Variants in MDGA2 observed in about 807,000 individuals in gnomAD.
MDGA2 encodes MAM domain-containing glycosylphosphatidylinositol anchor protein 2.
A neutral mutation model predicts 117.8 loss-of-function variants in MDGA2; 40 were observed. The observed-to-expected ratio is 0.34, with a 90% confidence interval of 0.26 to 0.44. The LOEUF (loss-of-function observed/expected upper bound fraction) is 0.44, where lower values mean the gene tolerates loss of function less well. Ranked by LOEUF, MDGA2 falls within the 20% of genes least tolerant of loss-of-function variation. The probability of loss-of-function intolerance (pLI) is 1.00; values close to 1 mark genes in which losing one functional copy is unlikely to be tolerated. For missense variants in MDGA2, 1,123 were observed against 1,250.6 expected, an observed-to-expected ratio of 0.90 and a Z score of 1.54; for synonymous variants, 452 against 439.0, an observed-to-expected ratio of 1.03 and a Z score of -0.37.
chr14:46,960,115 G>A (rs12587648), intron 8 of MDGA2, among the ~76,000 whole-genome samples: 17,798 of 151,878 alleles, frequency 0.12, 1,957 homozygotes, highest in African/African-American at 0.27. Context: ...CAGCTACTTG[G>A]GAGGCTGAGG....
rs1444284904 is a variant in MDGA2 at position 47,147,571 on chromosome 14, G to A, written c.596-3297C>T. Among the ~76,000 whole-genome samples the A allele has an allele frequency of 2.6e-5, 4 of 152,258 alleles. No homozygotes were observed. In the South Asian group the frequency reaches 6.2e-4, roughly 24 times the overall value. On this transcript the variant is annotated intron_variant, in intron 3 of 16. Transcript: ENST00000399232. ...CTCGCTAGGAGACATAACCTTGGGA[G>A]GGCCTGCTCTGTTTGGCTTATTTCT...
intron 4 of MDGA2, among the ~76,000 whole-genome samples, chr14:47,139,129 AAAACATATCTTCAAAAG>A: frequency 6.6e-6 from 1 of 152,222 alleles, no homozygotes; most frequent in African/African-American, 2.4e-5. Context: ...ATTATTATTG[AAAACATATCTTCAAAAG>A]AAGTTTCATT....
chr14:47,534,809 C>A (rs1895175698), intron 1 of MDGA2, among the ~76,000 whole-genome samples: 1 of 152,122 alleles, frequency 6.6e-6, no homozygotes, highest in African/African-American at 2.4e-5. Flanking sequence ...TAACACATGA[C>A]AAATTTTAGA....
intron 9 of MDGA2, among the ~76,000 whole-genome samples, chr14:46,926,481 G>T (rs1175891138): frequency 6.6e-6 from 1 of 150,758 alleles, no homozygotes; most frequent in Non-Finnish European, 1.5e-5. Context: ...AATACATATA[G>T]CCAAACGATT....
At chr14:47,459,179 G>C (rs1196808957) in intron 1 of MDGA2, among the ~76,000 whole-genome samples, 2 of 150,592 alleles carry the variant, frequency 1.3e-5, no homozygotes, top group Non-Finnish European at 3.0e-5. Context: ...TGATGTCTTT[G>C]AATTGTTGAC....
At chr14:47,237,343 G>T (rs1886897370) in intron 2 of MDGA2, among the ~76,000 whole-genome samples, 1 of 152,084 alleles carries the variant, frequency 6.6e-6, no homozygotes, top group Non-Finnish European at 1.5e-5. Context: ...TTACGCCCGG[G>T]TCTCCCAGGC....
At chr14:47,584,793 T>C (rs1244732656) in intron 1 of MDGA2, among the ~76,000 whole-genome samples, 1 of 151,834 alleles carries the variant, frequency 6.6e-6, no homozygotes, top group Non-Finnish European at 1.5e-5. Context: ...AATCATTGCC[T>C]ACATCCCATT....
At chr14:47,600,723 T>TA (rs377627666) in intron 1 of MDGA2, among the ~76,000 whole-genome samples, 1,550 of 139,782 alleles carry the variant, frequency 0.011, 11 homozygotes, top group Non-Finnish European at 0.016. Flanking sequence ...ATCGGATCAT[T>TA]AAAAAAAAAA....
intron 1 of MDGA2, among the ~76,000 whole-genome samples, chr14:47,379,836 A>C (rs1891571223): frequency 1.3e-5 from 2 of 152,174 alleles, no homozygotes; most frequent in Non-Finnish European, 2.9e-5. Context: ...TCACAAGGAT[A>C]TCCAGGAACT....
intron 1 of MDGA2, among the ~76,000 whole-genome samples, chr14:47,497,332 C>T (rs535725230): frequency 6.6e-6 from 1 of 152,320 alleles, no homozygotes; most frequent in Admixed American, 6.5e-5. Flanking sequence ...TCTCGGCTCA[C>T]TGCAACCACC....
intron 2 of MDGA2, among the ~76,000 whole-genome samples, chr14:47,250,657 C>T (rs1227335732): frequency 6.6e-6 from 1 of 152,216 alleles, no homozygotes; most frequent in African/African-American, 2.4e-5. Flanking sequence ...TTGGACTTCC[C>T]AGCCTCCGGC....
chr14:47,267,470 T>A (rs1390066168), intron 2 of MDGA2, among the ~76,000 whole-genome samples: 1 of 152,180 alleles, frequency 6.6e-6, no homozygotes, highest in Non-Finnish European at 1.5e-5. Context: ...TTTTAATTGT[T>A]ATTTATGTCA....
intron 2 of MDGA2, among the ~76,000 whole-genome samples, chr14:47,274,213 C>G (rs1888237707): frequency 6.6e-6 from 1 of 152,152 alleles, no homozygotes; most frequent in South Asian, 2.1e-4. Context: ...TTAGTTATCA[C>G]TCATCATCTC....
intron 6 of MDGA2, among the ~76,000 whole-genome samples, chr14:47,072,768 C>T (rs962516122): frequency 6.6e-6 from 1 of 152,070 alleles, no homozygotes; most frequent in Non-Finnish European, 1.5e-5. Context: ...GTTTATGCTG[C>T]CATCCTTTAG....
intron 11 of MDGA2, 28 bp downstream of exon 11, chr14:46,882,016 A>G (rs753945796): frequency 7.0e-7 from 1 of 1,428,274 alleles, no homozygotes; most frequent in South Asian, 1.6e-5. Context: ...ATATATAAAT[A>G]AATAATTTTA....
At chr14:47,239,941 T>C (rs1316219664) in intron 2 of MDGA2, among the ~76,000 whole-genome samples, 2 of 151,826 alleles carry the variant, frequency 1.3e-5, no homozygotes, top group Non-Finnish European at 1.5e-5. Context: ...TGAAACATAT[T>C]GTGCACATTC....
At chr14:47,325,924 A>G (rs1457581546) in intron 1 of MDGA2, among the ~76,000 whole-genome samples, 2 of 152,144 alleles carry the variant, frequency 1.3e-5, no homozygotes, top group African/African-American at 4.8e-5. Context: ...GGAGGACTCT[A>G]CTAGGGATAA....
At chr14:47,646,079 CA>C (rs10533233) in intron 1 of MDGA2, among the ~76,000 whole-genome samples, 15,721 of 107,438 alleles carry the variant, frequency 0.15, 648 homozygotes, top group Non-Finnish European at 0.17. Flanking sequence ...GACTCCGTCT[CA>C]AAAAAAAAAA....
intron 9 of MDGA2, among the ~76,000 whole-genome samples, chr14:46,924,018 A>G (rs1249616859): frequency 6.6e-6 from 1 of 151,940 alleles, no homozygotes; most frequent in Non-Finnish European, 1.5e-5. Flanking sequence ...TTCCAATCTA[A>G]CTTTTCACAT....
Sources: allele counts gnomAD v4.1 joint callset (sites outside exome capture counted in the v4.1 genomes callset), GRCh38; gene constraint gnomAD v4.1.1; transcripts MANE v1.5; gene names NCBI Gene and HGNC (gene_info 2026-07-23, HGNC 2026-07-21).